Variants in SYNPR observed in about 807,000 individuals in gnomAD.
The protein encoded by SYNPR is synaptoporin.
SYNPR carries 23 observed loss-of-function variants against 32.9 expected under a neutral mutation model. That is an observed-to-expected ratio of 0.70 (90% CI 0.50 to 0.99). The LOEUF (loss-of-function observed/expected upper bound fraction) is 0.99, where lower values mean the gene tolerates loss of function less well. Ranked by LOEUF, SYNPR falls within the 50% of genes least tolerant of loss-of-function variation. The pLI is 0.00. For synonymous variants in SYNPR, 146 were observed against 135.9 expected (o/e 1.07, Z -0.52); for missense variants, 318 against 349.3 (o/e 0.91, Z 0.71).
At chr3:63,236,619 G>C (rs1191383471) in intron 1 of SYNPR, among the ~76,000 whole-genome samples, 1 of 151,986 alleles carries the variant, frequency 6.6e-6, no homozygotes, top group Non-Finnish European at 1.5e-5. Flanking sequence ...GTATTTCATT[G>C]TATTTGATTT....
chr3:63,223,769 C>T (rs1013993362), upstream of SYNPR, among the ~76,000 whole-genome samples: 1 of 152,296 alleles, frequency 6.6e-6, no homozygotes, highest in African/African-American at 2.4e-5. Context: ...CATATTTTCT[C>T]TCACTATGTC....
intron 2 of SYNPR, 46 bp downstream of exon 2, chr3:63,278,788 A>G (rs2086601064): frequency 6.5e-7 from 1 of 1,546,124 alleles, no homozygotes; most frequent in Non-Finnish European, 8.7e-7. Context: ...GCAGCCAGCT[A>G]TCAGGTGAGG....
chr3:63,396,738 A>G (rs571106147), intron 2 of SYNPR, among the ~76,000 whole-genome samples: 1 of 152,334 alleles, frequency 6.6e-6, no homozygotes, highest in Non-Finnish European at 1.5e-5. Flanking sequence ...ATTTCCTGAG[A>G]GAACTCTCTG....
At chr3:63,514,133 G>A (rs1701749150) in intron 3 of SYNPR, among the ~76,000 whole-genome samples, 1 of 152,128 alleles carries the variant, frequency 6.6e-6, no homozygotes, top group African/African-American at 2.4e-5. Flanking sequence ...ATTCAATAAG[G>A]CATGTAGGTA....
intron 2 of SYNPR, among the ~76,000 whole-genome samples, chr3:63,462,146 C>T (rs1480921203): frequency 6.6e-6 from 1 of 151,972 alleles, no homozygotes; most frequent in Admixed American, 6.6e-5. Flanking sequence ...AGTCTGCATT[C>T]ATCTATGTCT....
intron 3 of SYNPR, among the ~76,000 whole-genome samples, chr3:63,538,823 T>C (rs1702253549): frequency 6.6e-6 from 1 of 152,144 alleles, no homozygotes; most frequent in South Asian, 2.1e-4. Context: ...TTAATTACAC[T>C]GCATTATCAT....
chr3:63,203,059 T>C, the SYNPR span, among the ~76,000 whole-genome samples: 1 of 60,460 alleles, frequency 1.7e-5, no homozygotes, highest in Non-Finnish European at 3.0e-5. Flanking sequence ...TACATATATA[T>C]ATGTATGTGT....
chr3:63,249,887 T>G lies in SYNPR; in HGVS notation n.67-2612T>G, dbSNP rs17301085. Among the ~76,000 whole-genome samples the G allele has an allele frequency of 7.1e-3, 1,086 of 152,128 alleles. 6 individuals carry two copies. The highest frequency in any genetic ancestry group is 0.012 in the Non-Finnish European group (794 of 67,990). On this transcript the variant is annotated intron_variant and non_coding_transcript_variant, in intron 1 of 4. Transcript: ENST00000478456. ...GATGAATGACACAGCAGAATGCAAA[T>G]AACACATAAATAGAGAATGTCTGGC...
chr3:63,561,189 C>T (rs1702682937), intron 4 of SYNPR, among the ~76,000 whole-genome samples: 1 of 152,188 alleles, frequency 6.6e-6, no homozygotes, highest in Non-Finnish European at 1.5e-5. Context: ...TGACATTATA[C>T]ATCCTGCACA....
At chr3:63,289,052 G>C (rs931180238) in intron 2 of SYNPR, among the ~76,000 whole-genome samples, 2 of 152,172 alleles carry the variant, frequency 1.3e-5, no homozygotes, top group Non-Finnish European at 2.9e-5. Context: ...TTGGTGTTGT[G>C]ATGGTTAAGT....
intron 2 of SYNPR, among the ~76,000 whole-genome samples, chr3:63,300,492 C>T (rs2086833931): frequency 6.6e-6 from 1 of 152,092 alleles, no homozygotes; most frequent in African/African-American, 2.4e-5. Flanking sequence ...TTGTTGGTCC[C>T]CTGCTCAGAT....
chr3:63,275,844 A>G (rs745389170), upstream of SYNPR, among the ~76,000 whole-genome samples: 120 of 152,314 alleles, frequency 7.9e-4, no homozygotes, highest in African/African-American at 2.8e-3. Flanking sequence ...AGGAGATGTC[A>G]TACCCTGTAA....
chr3:63,243,892 A>C (rs555361109), intron 1 of SYNPR, among the ~76,000 whole-genome samples: 25 of 152,212 alleles, frequency 1.6e-4, no homozygotes, highest in African/African-American at 5.8e-4. Flanking sequence ...CAAAAACAAA[A>C]CAAAAAAACA....
chr3:63,406,184 C>T (rs1228928786), intron 2 of SYNPR, among the ~76,000 whole-genome samples: 7 of 150,196 alleles, frequency 4.7e-5, no homozygotes, highest in East Asian at 2.0e-4. Flanking sequence ...TCTTGAGGTG[C>T]GTGGGTTTAG....
chr3:63,466,488 T>A (rs540337846), intron 2 of SYNPR, among the ~76,000 whole-genome samples: 2 of 152,154 alleles, frequency 1.3e-5, no homozygotes, highest in South Asian at 4.2e-4. Flanking sequence ...AATACTTCAT[T>A]ATTGGTGTGG....
At chr3:63,211,540 C>A in the SYNPR span, among the ~76,000 whole-genome samples, 3 of 152,220 alleles carry the variant, frequency 2.0e-5, no homozygotes, top group East Asian at 5.8e-4. Flanking sequence ...TAAAGTTGTT[C>A]TCTCCTCTAG....
At chr3:63,277,960 G>A (rs950635404), upstream of SYNPR, among the ~76,000 whole-genome samples, 1 of 152,116 alleles carries the variant, frequency 6.6e-6, no homozygotes, top group Non-Finnish European at 1.5e-5. Context: ...TTATTTTTAT[G>A]TATTTATCAT....
intron 2 of SYNPR, among the ~76,000 whole-genome samples, chr3:63,262,675 C>T (rs1051459358): frequency 4.6e-5 from 7 of 152,140 alleles, no homozygotes; most frequent in African/African-American, 7.2e-5. Context: ...CAGCCCTAGT[C>T]CCACAGAAGA....
chr3:63,222,543 G>C, the SYNPR span, among the ~76,000 whole-genome samples: 2 of 152,056 alleles, frequency 1.3e-5, no homozygotes, highest in African/African-American at 4.8e-5. Context: ...TTTTGAGACA[G>C]GGTCTTGCTG....
Sources: gnomAD v4.1 joint callset for allele counts (sites outside exome capture counted in the v4.1 genomes callset) on GRCh38, gnomAD v4.1.1 for gene constraint, MANE v1.5 for transcripts, NCBI Gene and HGNC (gene_info 2026-07-23, HGNC 2026-07-21) for gene names.